The following TEX15 variants were observed in gnomAD, a reference collection of about 807,000 sequenced individuals.
The protein encoded by TEX15 is testis expressed 15, meiosis and synapsis associated, also known as testis-expressed protein 15.
A neutral mutation model predicts 237.3 loss-of-function variants in TEX15; 171 were observed. The ratio of observed to expected loss-of-function variants is 0.72; its 90% confidence interval spans 0.64 to 0.82. TEX15 has a LOEUF of 0.82. Among genes scored for constraint, TEX15 ranks in the 40% least tolerant of loss-of-function variants. The pLI is 0.00. For missense variants in TEX15, 3,750 were observed against 3,646.5 expected, an observed-to-expected ratio of 1.03 and a Z score of -0.73; for synonymous variants, 1,338 against 1,269.8, an observed-to-expected ratio of 1.05 and a Z score of -1.14.
chr8:30,873,055 T>C (rs759365950), intron 4 of TEX15, among the ~76,000 whole-genome samples: 1 of 152,184 alleles, frequency 6.6e-6, no homozygotes, highest in Non-Finnish European at 1.5e-5. Flanking sequence ...CACTCTACGA[T>C]GTTTACACAA....
rs201074400 is a variant in TEX15, at chr8:30,843,788, A to G, written c.6379T>C (p.Tyr2127His). 6.2e-7 allele frequency: 1 copy of G among 1,613,548 alleles called. No homozygotes were observed. The highest frequency in any genetic ancestry group is 8.5e-7 in the Non-Finnish European group (1 of 1,179,644). ...TTTAATCTTCCTTGGAAACCAGGAT[A>G]GAAATTAGACTGCTGTTGAAATCCA... Reference protein sequence around the residue: ...PRGFQQQSNFYPGFQGRLKYN... With the variant: ...PRGFQQQSNFHPGFQGRLKYN... The change falls in exon 8 of 11, where the codon TAT becomes CAT. Residue 2127 changes from tyrosine to histidine, a missense_variant. Physicochemically the swap from Tyr to His is moderately conservative, Grantham distance 83 (BLOSUM62 2). Coordinates refer to ENST00000643185, the MANE Select transcript of TEX15 (RefSeq NM_001350162.2).
Position 30,837,104 on chromosome 8 carries a change from T to A in TEX15, c.9180A>T (p.Thr3060=), listed in dbSNP as rs767322016. 2 of 1,614,134 alleles carry A rather than the reference T, an allele frequency of 1.2e-6. No individual in the cohort carries two copies. The highest frequency in any genetic ancestry group is 1.7e-5 in the Admixed American group (1 of 60,018). Residue 3060 remains threonine (T), a synonymous_variant, in exon 10 of 11, where the codon ACA becomes ACT. Transcript: ENST00000643185. ...CTTCATATGATGTTATCCCTTGGTA[T>A]GTCTGGGTAATGGCATTGCCATTGC... ...SNSNGNAITQ[T]YQGITSYEVQ...
intron 5 of TEX15, among the ~76,000 whole-genome samples, chr8:30,866,950 C>T (rs1220067867): frequency 6.6e-6 from 1 of 151,354 alleles, no homozygotes; most frequent in Non-Finnish European, 1.5e-5. Flanking sequence ...ATGTAAAACA[C>T]TATAGTACTT....
intron 3 of TEX15, among the ~76,000 whole-genome samples, chr8:30,877,628 T>C (rs1320899700): frequency 6.6e-6 from 1 of 152,172 alleles, no homozygotes; most frequent in East Asian, 1.9e-4. Flanking sequence ...TATAACATGA[T>C]GATTTTGTGG....
At chr8:30,887,880 TATATATTTC>T (rs1452000641) in intron 2 of TEX15, 1 of 129,552 alleles carries the variant, frequency 7.7e-6, no homozygotes, top group African/African-American at 2.8e-5. Flanking sequence ...ATATTTCACA[TATATATTTC>T]ATATATATAT....
At chr8:30,892,726 CACT>C (rs1355759923) in intron 2 of TEX15, among the ~76,000 whole-genome samples, 2 of 151,808 alleles carry the variant, frequency 1.3e-5, no homozygotes, top group African/African-American at 2.4e-5. Flanking sequence ...TTATTGTATT[CACT>C]ACTATGTTTA....
rs1164981209 is a variant in TEX15, at chr8:30,847,942, G to C, written c.2225C>G (p.Ala742Gly). The change falls in exon 8 of 11, where the codon GCT (alanine) becomes GGT (glycine). Residue 742 changes from alanine to glycine, a missense_variant. By Grantham distance (60) the Ala-to-Gly change is moderately conservative. Coordinates refer to ENST00000643185, the MANE Select transcript of TEX15 (RefSeq NM_001350162.2). ...EGNIHTSLAI[A>G]QKLMELKLGK... ...CAATTTCAGTTCCATTAGCTTTTGA[G>C]CAATGGCTAAACTTGTATGAATGTT... 1 of 1,613,756 alleles carries C rather than the reference G, an allele frequency of 6.2e-7. No individual in the cohort carries two copies. Among genetic ancestry groups the C allele is most frequent in the Non-Finnish European group, 8.5e-7 (1 of 1,179,924 alleles).
At position 30,873,529 on chromosome 8, in the gene TEX15, T is replaced by C. The variant is rs1338854297; in HGVS notation, c.302+1408A>G. Among the ~76,000 whole-genome samples the C allele has an allele frequency of 3.9e-5, 6 of 152,260 alleles. No individual in the cohort carries two copies. The South Asian group carries it at 1.2e-3, about 32-fold the overall frequency. Reference sequence around the variant, plus strand: ...GGTACAGATTATCACCAATTTCCCATTTGGGAATACTGGAGGGGTGGGGAT... The same window carrying C: ...GGTACAGATTATCACCAATTTCCCACTTGGGAATACTGGAGGGGTGGGGAT... On this transcript the variant is annotated intron_variant, in intron 4 of 10. Coordinates refer to ENST00000643185, the MANE Select transcript of TEX15 (RefSeq NM_001350162.2).
In TEX15 at chr8:30,837,070, A is replaced by T. The variant is rs760630899; in HGVS notation, c.9214T>A (p.Ser3072Thr). ...ACTGTGGTCAACAGCCCAGAAGGAG[A>T]TGGCTGTACTTCATATGATGTTATC... Reference protein sequence around the residue: ...QGITSYEVQPSPSGLLTTVAS... With the variant: ...QGITSYEVQPTPSGLLTTVAS... The change falls in exon 10 of 11, where the codon TCT becomes ACT. Residue 3072 changes from serine (S) to threonine (T), a missense_variant. Transcript: ENST00000643185. The T allele has an allele frequency of 4.3e-6, 7 of 1,614,130 alleles. No homozygotes were observed. The South Asian group carries it at 7.7e-5, about 18-fold the overall frequency.
In TEX15 at chr8:30,846,847, G is replaced by A; in HGVS notation, c.3320C>T (p.Ala1107Val). The A allele has an allele frequency of 6.2e-7, 1 of 1,613,866 alleles. No individual in the cohort carries two copies. Residue 1107 changes from alanine to valine, a missense_variant, in exon 8 of 11, where the codon GCA becomes GTA. Transcript: ENST00000643185. ...KSRISWEGLL[A>V]LDNGEMEVLE... ...AACTTCCATCTCCCCGTTATCAAGT[G>A]CTAACAGACCTTCCCAACTGATACG...
intron 3 of TEX15, among the ~76,000 whole-genome samples, chr8:30,877,610 GAT>G (rs1808427573): frequency 6.6e-6 from 1 of 151,968 alleles, no homozygotes; most frequent in South Asian, 2.1e-4. Flanking sequence ...TAGAAATTTT[GAT>G]AGTTTTATAA....
rs1807612625 is a variant in TEX15 at position 30,846,454 on chromosome 8, GAGAT to G, written c.3709_3712del (p.Ile1237ProfsTer6). The G allele has an allele frequency of 6.2e-7, 1 of 1,613,046 alleles. No individual in the cohort carries two copies. The highest frequency in any genetic ancestry group is 1.1e-5 in the South Asian group (1 of 91,056). ...ATTACGACTCAAGTCAAAAGAAAGG[GAGAT>G]TTCAGAGTTACTCACTGGCCCTGAT... On this transcript the variant is annotated frameshift_variant, in exon 8 of 11. Coordinates refer to ENST00000643185, the MANE Select transcript of TEX15 (RefSeq NM_001350162.2). LOFTEE classifies it high-confidence loss of function.
intron 7 of TEX15, among the ~76,000 whole-genome samples, chr8:30,851,683 AAAC>A (rs201993729): frequency 0.022 from 3,292 of 151,634 alleles, 114 homozygotes; most frequent in African/African-American, 0.075. Flanking sequence ...GTGGGAAAAG[AAAC>A]CTAATTACTT....
intron 7 of TEX15, among the ~76,000 whole-genome samples, chr8:30,853,907 A>G (rs996900765): frequency 5.3e-5 from 8 of 152,168 alleles, no homozygotes; most frequent in African/African-American, 1.9e-4. Flanking sequence ...AAAAAAACCA[A>G]TGAATTAAAG....
chr8:30,888,481 C>T (rs1346225612), intron 2 of TEX15, among the ~76,000 whole-genome samples: 2 of 151,936 alleles, frequency 1.3e-5, no homozygotes, highest in Admixed American at 1.3e-4. Context: ...TCCTTTTTCC[C>T]TCTCCTTTCT....
intron 2 of TEX15, among the ~76,000 whole-genome samples, chr8:30,894,210 A>G (rs1342588536): frequency 6.6e-6 from 1 of 152,178 alleles, no homozygotes; most frequent in South Asian, 2.1e-4. Flanking sequence ...ACTTCCTGCT[A>G]CGTGGCAGGC....
rs1488512366 is a variant in TEX15 at position 30,836,851 on chromosome 8, G to A, written c.9433C>T (p.Pro3145Ser). The part of the protein sequence containing the change: ...SHQPLPQATY[P>S]YLPNRFVPPE... ...GGCACAAATCGATTAGGAAGGTAAG[G>A]GTATGTAGCTTGTGGTAATGGCTGA... is the stretch of plus-strand genomic sequence containing the variant. The change falls in exon 10 of 11, where the codon CCT (proline) becomes TCT (serine). Residue 3145 changes from proline to serine, a missense_variant. Coordinates refer to ENST00000643185, the MANE Select transcript of TEX15 (RefSeq NM_001350162.2). 2 of 1,613,864 alleles carry A rather than the reference G, an allele frequency of 1.2e-6. No individual in the cohort carries two copies. The highest frequency in any genetic ancestry group is 1.7e-6 in the Non-Finnish European group (2 of 1,179,970).
At chr8:30,882,285 CAATTTA>C (rs1808545116) in intron 3 of TEX15, among the ~76,000 whole-genome samples, 1 of 151,670 alleles carries the variant, frequency 6.6e-6, no homozygotes, top group Non-Finnish European at 1.5e-5. Context: ...TGTATGATTT[CAATTTA>C]TTTATTTATT....
At chr8:30,900,438 A>G (rs1474872381) in intron 1 of TEX15, among the ~76,000 whole-genome samples, 2 of 152,260 alleles carry the variant, frequency 1.3e-5, no homozygotes, top group African/African-American at 4.8e-5. Flanking sequence ...TGAAATATTT[A>G]GCAACAATTA....
Sources: gnomAD v4.1 joint callset for allele counts (sites outside exome capture counted in the v4.1 genomes callset) on GRCh38, gnomAD v4.1.1 for gene constraint, MANE v1.5 for transcripts, NCBI Gene and HGNC (gene_info 2026-07-23, HGNC 2026-07-21) for gene names.